The following ZNF423 variants were observed in gnomAD, a reference collection of about 807,000 sequenced individuals.
The protein encoded by ZNF423 is Ebf-associated zinc finger protein.
In ZNF423, 12 loss-of-function variants were observed where a neutral mutation model predicts 95.8. That is an observed-to-expected ratio of 0.13 (90% CI 0.08 to 0.20). ZNF423 has a LOEUF of 0.20. Among genes scored for constraint, ZNF423 ranks in the 10% least tolerant of loss-of-function variants. The probability of loss-of-function intolerance (pLI) is 1.00; values close to 1 mark genes in which losing one functional copy is unlikely to be tolerated. For missense variants in ZNF423, 1,316 were observed against 1,737.1 expected, an observed-to-expected ratio of 0.76 and a Z score of 4.31; for synonymous variants, 749 against 711.9, an observed-to-expected ratio of 1.05 and a Z score of -0.83.
At chr16:49,581,161 T>A (rs1970662817) in intron 5 of ZNF423, among the ~76,000 whole-genome samples, 2 of 140,890 alleles carry the variant, frequency 1.4e-5, no homozygotes, top group Non-Finnish European at 3.2e-5. Context: ...GCCCCACTGA[T>A]GTGGGCTTAC....
chr16:49,593,163 G>C (rs1176125902), intron 5 of ZNF423, among the ~76,000 whole-genome samples: 1 of 152,184 alleles, frequency 6.6e-6, no homozygotes, highest in Non-Finnish European at 1.5e-5. Flanking sequence ...CCAAACCTCT[G>C]GGCTCTGCGT....
intron 1 of ZNF423, among the ~76,000 whole-genome samples, chr16:49,842,290 AGGGGAGGGGAGGGGAGGCG>A (rs1352407851): frequency 5.8e-5 from 1 of 17,178 alleles, no homozygotes; most frequent in African/African-American, 2.3e-4. Context: ...AGGGGAGGGG[AGGGGAGGGGAGGGGAGGCG>A]AGGGAAGGGA....
intron 3 of ZNF423, among the ~76,000 whole-genome samples, chr16:49,722,385 G>A (rs1328192506): frequency 1.3e-5 from 2 of 152,180 alleles, no homozygotes; most frequent in African/African-American, 4.8e-5. Context: ...AGAGAAGGAG[G>A]CTGTTTAAAG....
Position 49,637,201 on chromosome 16 carries a change from G to A in ZNF423, c.1975C>T (p.Leu659=). 6.2e-7 allele frequency: 1 copy of A among 1,614,016 alleles called. No homozygotes were observed. Among genetic ancestry groups the A allele is most frequent in the Non-Finnish European group, 8.5e-7 (1 of 1,180,036 alleles). ...FSNFESFQTH[L]KLHLELLLRK... ...AGCAGCAGCTCCAGGTGCAGCTTCA[G>A]GTGGGTCTGGAAGCTCTCAAAGTTG... Residue 659 remains leucine, a synonymous_variant, in exon 4 of 8, where the codon CTG becomes TTG. Coordinates refer to ENST00000563137, the MANE Select transcript of ZNF423 (RefSeq NM_001379286.1). This position sits in a 1 kb window ranked among gnomAD's most constrained non-coding sequence, Gnocchi z 5.6.
intron 3 of ZNF423, among the ~76,000 whole-genome samples, chr16:49,672,641 A>G (rs148540076): frequency 0.013 from 1,913 of 152,140 alleles, 39 homozygotes; most frequent in African/African-American, 0.044. Flanking sequence ...ACATGGCGAA[A>G]CCTGTCTCTA....
intron 2 of ZNF423, among the ~76,000 whole-genome samples, chr16:49,772,523 C>T (rs1051682294): frequency 6.6e-6 from 1 of 152,214 alleles, no homozygotes; most frequent in Non-Finnish European, 1.5e-5. Context: ...GTGGGTCAGG[C>T]ACAGGCTCAC....
intron 1 of ZNF423, among the ~76,000 whole-genome samples, chr16:49,806,414 C>T (rs1049165316): frequency 2.0e-5 from 3 of 152,240 alleles, no homozygotes; most frequent in Non-Finnish European, 4.4e-5. Context: ...CAGGTAAGAT[C>T]GGCACCCCAC....
intron 7 of ZNF423, among the ~76,000 whole-genome samples, chr16:49,511,393 GC>G (rs2151681478): frequency 6.6e-6 from 1 of 152,328 alleles, no homozygotes; most frequent in Non-Finnish European, 1.5e-5. Flanking sequence ...CACTGCCTCA[GC>G]CCGCAGGCTG....
At chr16:49,837,861 C>T (rs1317420790) in intron 1 of ZNF423, among the ~76,000 whole-genome samples, 3 of 152,240 alleles carry the variant, frequency 2.0e-5, no homozygotes, top group African/African-American at 7.2e-5. Context: ...CCAGCGGTCA[C>T]GTCACTTCCT....
At chr16:49,514,229 TAC>T (rs775427019) in intron 7 of ZNF423, among the ~76,000 whole-genome samples, 12 of 139,012 alleles carry the variant, frequency 8.6e-5, no homozygotes, top group African/African-American at 2.6e-4. Flanking sequence ...CGCACATGCG[TAC>T]ACACACACGC....
chr16:49,735,635 C>A (rs2033267417), intron 2 of ZNF423, among the ~76,000 whole-genome samples: 1 of 152,184 alleles, frequency 6.6e-6, no homozygotes, highest in Non-Finnish European at 1.5e-5. Context: ...CAGAAGGAGG[C>A]TTGCAGCTTC....
intron 1 of ZNF423, among the ~76,000 whole-genome samples, chr16:49,825,719 G>T (rs972546162): frequency 6.6e-6 from 1 of 152,160 alleles, no homozygotes; most frequent in Non-Finnish European, 1.5e-5. Context: ...GGAAACTTGA[G>T]ACCAGGGGAC....
chr16:49,810,636 T>G (rs1567353593), intron 1 of ZNF423, among the ~76,000 whole-genome samples: 1 of 152,206 alleles, frequency 6.6e-6, no homozygotes, highest in Non-Finnish European at 1.5e-5. Context: ...CATGAGTTGA[T>G]TAAAATGAAT....
At chr16:49,664,851 G>A (rs1031898858) in intron 3 of ZNF423, among the ~76,000 whole-genome samples, 2 of 152,264 alleles carry the variant, frequency 1.3e-5, no homozygotes, top group African/African-American at 4.8e-5. Context: ...CAGGCAGCTT[G>A]AGCGAGATCG....
intron 3 of ZNF423, among the ~76,000 whole-genome samples, chr16:49,698,018 T>A (rs374569922): frequency 6.6e-6 from 1 of 152,232 alleles, no homozygotes; most frequent in African/African-American, 2.4e-5. Flanking sequence ...TGTGTGTGTG[T>A]GTGCAGGGAC....
chr16:49,560,632 T>C (rs1463637802), intron 5 of ZNF423, among the ~76,000 whole-genome samples: 1 of 152,222 alleles, frequency 6.6e-6, no homozygotes, highest in Non-Finnish European at 1.5e-5. Context: ...CCATGGGGCC[T>C]TGAGGCCTCG....
At position 49,831,353 on chromosome 16, in the gene ZNF423, C is replaced by T. The variant is rs1467128243; in HGVS notation, c.40+24382G>A. ...ACCCTAGGAAATGGGTTCATTTTCC[C>T]TATTTTATAATTGGAGAAACAAATC... is the stretch of plus-strand genomic sequence containing the variant. On this transcript the variant is annotated intron_variant, in intron 1 of 7. Coordinates refer to ENST00000563137, the MANE Select transcript of ZNF423 (RefSeq NM_001379286.1). 4.6e-5 allele frequency among the ~76,000 whole-genome samples: 7 copies of T among 152,168 alleles called. No individual in the cohort carries two copies. In the South Asian group the frequency reaches 1.0e-3, roughly 23 times the overall value.
At chr16:49,839,788 A>AC (rs1265518463) in intron 1 of ZNF423, among the ~76,000 whole-genome samples, 1 of 151,388 alleles carries the variant, frequency 6.6e-6, no homozygotes, top group African/African-American at 2.4e-5. Context: ...TCAGAGAAGG[A>AC]CCCCCACCTG....
At chr16:49,834,034 G>C (rs1300074127) in intron 1 of ZNF423, among the ~76,000 whole-genome samples, 1 of 152,202 alleles carries the variant, frequency 6.6e-6, no homozygotes, top group Non-Finnish European at 1.5e-5. Flanking sequence ...TGGGGACCCA[G>C]CCAACACCCG....
Sources: gnomAD v4.1 joint callset for allele counts (sites outside exome capture counted in the v4.1 genomes callset) on GRCh38, gnomAD v4.1.1 for gene constraint, Gnocchi (gnomAD v3.1) non-coding constraint, MANE v1.5 for transcripts, NCBI Gene and HGNC (gene_info 2026-07-23, HGNC 2026-07-21) for gene names.